Variants in ASCC2 observed in about 807,000 individuals in gnomAD.
ASCC2 encodes ASC-1 complex subunit P100.
Under a neutral mutation model 93.5 loss-of-function variants are expected in ASCC2, and 42 were observed. The observed-to-expected ratio is 0.45, with a 90% CI of 0.35 to 0.58. ASCC2 has a LOEUF of 0.58. ASCC2 is among the 20% of genes least tolerant of loss of function. The pLI is 0.00. For missense variants in ASCC2, 859 were observed against 977.6 expected (o/e 0.88, Z 1.62); for synonymous variants, 364 against 384.2 (o/e 0.95, Z 0.62).
At chr22:29,808,224 A>C (rs771831884) in intron 8 of ASCC2, 39 bp from the exon 9 acceptor site, 1 of 1,593,380 alleles carries the variant, frequency 6.3e-7, no homozygotes, top group South Asian at 1.1e-5. Context: ...GGATTAGTTC[A>C]TAAATACCAC....
intron 15 of ASCC2, among the ~76,000 whole-genome samples, chr22:29,800,749 G>T (rs1437706001): frequency 1.3e-5 from 2 of 152,134 alleles, no homozygotes; most frequent in African/African-American, 4.8e-5. Flanking sequence ...TGGCCCTTCT[G>T]GCCTTTTGCT....
At chr22:29,830,275 G>T (rs143023458) in intron 2 of ASCC2, among the ~76,000 whole-genome samples, 8 of 152,290 alleles carry the variant, frequency 5.3e-5, no homozygotes, top group African/African-American at 1.4e-4. Context: ...TGGATTTGAG[G>T]CTTAGAGAGG....
intron 7 of ASCC2, among the ~76,000 whole-genome samples, chr22:29,813,986 T>C (rs956746075): frequency 1.8e-4 from 28 of 152,210 alleles, no homozygotes; most frequent in African/African-American, 7.2e-5. Context: ...CTGGTTCTCA[T>C]GACAACTCTG....
chr22:29,825,291 T>C lies in ASCC2; in HGVS notation c.241-34A>G. The stretch of plus-strand genomic sequence containing the variant: ...GGAGACAGAGGAGAGCGAGGATTTA[T>C]CCCTTAGGCCCCAGGGGCTTGTGGG... On this transcript the variant is annotated intron_variant, in intron 3 of 19. Transcript: ENST00000307790. The surrounding 1 kb of genome is among the most constrained non-coding windows in gnomAD (Gnocchi z 4.9). 6 of 1,505,964 alleles carry C rather than the reference T, an allele frequency of 4.0e-6. No individual in the cohort carries two copies. Among genetic ancestry groups the C allele is most frequent in the Non-Finnish European group, 5.3e-6 (6 of 1,127,836 alleles). 93.3% of individuals were successfully genotyped at this position (1,505,964 alleles called of 1,614,324 possible). A position where few individuals can be genotyped will look rare whatever the true frequency, so the allele number is the denominator to read the frequency against.
At chr22:29,822,515 A>G (rs753925594) in intron 4 of ASCC2, 51 bp from the exon 5 acceptor site, 8 of 1,599,222 alleles carry the variant, frequency 5.0e-6, no homozygotes, top group Admixed American at 3.4e-5. Flanking sequence ...ACACTCCTAC[A>G]TTATAAATAG....
intron 12 of ASCC2, 62 bp from the exon 13 acceptor site, chr22:29,804,892 A>G: frequency 1.3e-6 from 2 of 1,555,690 alleles, no homozygotes; most frequent in Non-Finnish European, 8.8e-7. Context: ...ATAATTTCTC[A>G]GTCCCTCCCC....
At position 29,806,867 on chromosome 22, in the gene ASCC2, T is replaced by C. The variant is rs1479555981; in HGVS notation, c.946A>G (p.Arg316Gly). Residue 316 changes from arginine to glycine, a missense_variant, in exon 10 of 20, where the codon AGG (arginine) becomes GGG (glycine). Coordinates refer to ENST00000307790, the MANE Select transcript of ASCC2 (RefSeq NM_032204.5). The part of the protein sequence containing the change: ...GDLWQRLSHS[R>G]KKLMEIFHII... ...TGGAAAATCTCCATTAGCTTCTTCC[T>C]GGAATGGGAGAGCCTCTGCCACAGG... 16 of 1,613,830 alleles carry C rather than the reference T, an allele frequency of 9.9e-6. No individual in the cohort carries two copies. Among genetic ancestry groups the C allele is most frequent in the Non-Finnish European group, 1.4e-5 (16 of 1,179,942 alleles).
intron 5 of ASCC2, chr22:29,821,823 C>A: frequency 2.8e-6 from 1 of 354,212 alleles, no homozygotes; most frequent in Non-Finnish European, 5.5e-6. Flanking sequence ...AGTGAGACCC[C>A]ATCTACTAAA....
chr22:29,789,812 C>T (rs1162870339), intron 19 of ASCC2, among the ~76,000 whole-genome samples: 1 of 152,198 alleles, frequency 6.6e-6, no homozygotes, highest in Admixed American at 6.5e-5. Context: ...AAGCCTAGGG[C>T]CGGGATGCGG....
Position 29,788,767 on chromosome 22 carries a change from C to G in ASCC2, c.*246G>C. 1.9e-6 allele frequency: 1 copy of G among 534,942 alleles called. No individual in the cohort carries two copies. Among genetic ancestry groups the G allele is most frequent in the South Asian group, 2.2e-5 (1 of 45,702 alleles). 33.1% of individuals were successfully genotyped at this position (534,942 alleles called of 1,614,324 possible). A position where few individuals can be genotyped will look rare whatever the true frequency, so the allele number is the denominator to read the frequency against. On this transcript the variant is annotated 3_prime_UTR_variant, in exon 20 of 20. Coordinates refer to ENST00000307790, the MANE Select transcript of ASCC2 (RefSeq NM_032204.5). Reference sequence around the variant, plus strand: ...CCCCATCTCTTTCCCGCTAGCGCAGCTGGGGGAAGGTGCCTGCTTGCCGGC... The same window carrying G: ...CCCCATCTCTTTCCCGCTAGCGCAGGTGGGGGAAGGTGCCTGCTTGCCGGC...
At position 29,802,055 on chromosome 22, in the gene ASCC2, T is replaced by C; in HGVS notation, c.1507A>G (p.Asn503Asp). ...GCCAGCCGCTCCTCCAGGATATTGTTGATCACCTGCTCTGGGTCGTAGTGG... is the reference window on the plus strand; with the variant it reads ...GCCAGCCGCTCCTCCAGGATATTGTCGATCACCTGCTCTGGGTCGTAGTGG... ...YYHYDPEQVI[N>D]NILEERLAPT... Residue 503 changes from asparagine (N) to aspartate (D), a missense_variant, in exon 14 of 20, where the codon AAC (asparagine) becomes GAC (aspartate). Asn to Asp is a conservative substitution (Grantham distance 23, BLOSUM62 1). Coordinates refer to ENST00000307790, the MANE Select transcript of ASCC2 (RefSeq NM_032204.5). 1 of 1,613,804 alleles carries C rather than the reference T, an allele frequency of 6.2e-7. No individual in the cohort carries two copies. The highest frequency in any genetic ancestry group is 8.5e-7 in the Non-Finnish European group (1 of 1,179,884).
intron 6 of ASCC2, 80 bp from the exon 7 acceptor site, chr22:29,814,847 T>C (rs2060657209): frequency 1.8e-6 from 2 of 1,118,486 alleles, no homozygotes; most frequent in South Asian, 2.8e-5. Context: ...GGTCAGGTGA[T>C]CTGAAAACTG....
At chr22:29,820,373 AGATTGGTCACGAACTCCTGACCTCGT>A (rs1223157165) in intron 5 of ASCC2, among the ~76,000 whole-genome samples, 4 of 151,946 alleles carry the variant, frequency 2.6e-5, no homozygotes, top group African/African-American at 9.7e-5. Flanking sequence ...TATGTCGGCC[AGATTGGTCACGAACTCCTGACCTCGT>A]GATTTGCCTG....
chr22:29,820,276 C>T (rs1199031556), intron 5 of ASCC2, among the ~76,000 whole-genome samples: 3 of 152,048 alleles, frequency 2.0e-5, no homozygotes, highest in Non-Finnish European at 2.9e-5. Context: ...GATTCTCCTC[C>T]CTCAGCCTCC....
At chr22:29,811,275 A>G (rs894071868) in intron 8 of ASCC2, among the ~76,000 whole-genome samples, 23 of 152,340 alleles carry the variant, frequency 1.5e-4, no homozygotes, top group African/African-American at 5.5e-4. Context: ...AGTTGCTCAT[A>G]TGTGCATATA....
rs373882155 is a variant in ASCC2, at chr22:29,802,208, A to T, written c.1354T>A (p.Cys452Ser). ...CCCACAGCCGCGGCTGCTCCCATGC[A>T]CTGTAGTGAGAGCCAGAGCCAAGAA... ...SHPENSEEEECMGAAAAVGPA... is the reference protein window; with the variant it reads ...SHPENSEEEESMGAAAAVGPA... The change falls in exon 14 of 20, where the codon TGC (cysteine) becomes AGC (serine). Residue 452 changes from cysteine to serine, a missense_variant and splice_region_variant. By Grantham distance (112) the Cys-to-Ser change is moderately radical. Transcript: ENST00000307790. 1 of 1,613,862 alleles carries T rather than the reference A, an allele frequency of 6.2e-7. No individual in the cohort carries two copies. The highest frequency in any genetic ancestry group is 8.5e-7 in the Non-Finnish European group (1 of 1,180,004).
intron 19 of ASCC2, 41 bp from the exon 20 acceptor site, chr22:29,789,225 G>C (rs781203641): frequency 1.2e-6 from 2 of 1,611,574 alleles, no homozygotes; most frequent in Admixed American, 1.7e-5. Context: ...CCTGTCAGCC[G>C]GAAGAGGCTC....
At chr22:29,789,329 G>T in intron 19 of ASCC2, 145 bp from the exon 20 acceptor site, 2 of 1,020,272 alleles carry the variant, frequency 2.0e-6, no homozygotes, top group Non-Finnish European at 2.9e-6. Flanking sequence ...TGGAAGGAGA[G>T]ATGGAGCCCA....
intron 1 of ASCC2, among the ~76,000 whole-genome samples, chr22:29,837,067 G>A (rs2063887458): frequency 6.6e-6 from 1 of 152,210 alleles, no homozygotes. Flanking sequence ...GCATTTAAAA[G>A]AGAGACCTGG....
Sources: allele counts gnomAD v4.1 joint callset (sites outside exome capture counted in the v4.1 genomes callset), GRCh38; gene constraint gnomAD v4.1.1; non-coding constraint Gnocchi (gnomAD v3.1); transcripts MANE v1.5; gene names NCBI Gene and HGNC (gene_info 2026-07-23, HGNC 2026-07-21).